GRIK4: variants seen among roughly 807,000 people sequenced by gnomAD.
GRIK4 encodes glutamate receptor ionotropic, kainate 4.
A neutral mutation model predicts 104.9 loss-of-function variants in GRIK4; 40 were observed. The observed-to-expected ratio is 0.38, with a 90% CI of 0.30 to 0.50. The LOEUF is 0.50. GRIK4 is among the 20% of genes least tolerant of loss of function. The pLI is 0.93. For synonymous variants in GRIK4, 485 were observed against 524.9 expected (o/e 0.92, Z 1.04); for missense variants, 1,047 against 1,308.1 (o/e 0.80, Z 3.08).
At chr11:120,818,399 C>T (rs531841140) in intron 5 of GRIK4, among the ~76,000 whole-genome samples, 3 of 152,260 alleles carry the variant, frequency 2.0e-5, no homozygotes, top group South Asian at 2.1e-4. Flanking sequence ...AAAATACAAG[C>T]GGGAAGAAAG....
chr11:120,731,648 C>A (rs1951133588), intron 3 of GRIK4, among the ~76,000 whole-genome samples: 1 of 152,082 alleles, frequency 6.6e-6, no homozygotes, highest in Non-Finnish European at 1.5e-5. Context: ...AGTATTAGTT[C>A]TTTAAATGTT....
intron 19 of GRIK4, among the ~76,000 whole-genome samples, chr11:120,970,433 A>G (rs756379421): frequency 7.1e-4 from 108 of 151,252 alleles, no homozygotes; most frequent in Non-Finnish European, 1.2e-3. Flanking sequence ...CTTTCCTTTC[A>G]TTTTTCAACC....
intron 20 of GRIK4, 26 bp from the exon 21 acceptor site, chr11:120,985,878 G>T (rs1295316059): frequency 6.5e-7 from 1 of 1,549,764 alleles, no homozygotes; most frequent in Admixed American, 2.0e-5. Flanking sequence ...TGAGAGGCTG[G>T]GCCCTGACCT....
intron 1 of GRIK4, among the ~76,000 whole-genome samples, chr11:120,599,457 T>C (rs1343418228): frequency 6.6e-6 from 1 of 152,176 alleles, no homozygotes; most frequent in East Asian, 1.9e-4. Flanking sequence ...CCACCTGGAC[T>C]TAACAGAGTT....
intron 3 of GRIK4, among the ~76,000 whole-genome samples, chr11:120,693,454 G>A (rs1950397817): frequency 6.6e-6 from 1 of 152,174 alleles, no homozygotes; most frequent in South Asian, 2.1e-4. Flanking sequence ...GAAGGAAACA[G>A]CTTTAAAGAG....
intron 13 of GRIK4, among the ~76,000 whole-genome samples, chr11:120,935,553 A>G (rs1255689866): frequency 6.6e-6 from 1 of 152,210 alleles, no homozygotes; most frequent in East Asian, 1.9e-4. Context: ...CTCTGTCTCA[A>G]AAAAATAAAA....
intron 1 of GRIK4, among the ~76,000 whole-genome samples, chr11:120,626,664 T>C (rs1949263501): frequency 6.6e-6 from 1 of 152,130 alleles, no homozygotes; most frequent in South Asian, 2.1e-4. Context: ...CCGGAGCTCA[T>C]TGCATCTGTT....
intron 1 of GRIK4, among the ~76,000 whole-genome samples, chr11:120,596,066 C>T (rs1441629958): frequency 6.6e-6 from 1 of 152,142 alleles, no homozygotes; most frequent in Non-Finnish European, 1.5e-5. Context: ...AGGCTGATCT[C>T]GAACTCTTGA....
intron 11 of GRIK4, among the ~76,000 whole-genome samples, chr11:120,895,589 C>T (rs918127650): frequency 8.5e-5 from 13 of 152,150 alleles, no homozygotes; most frequent in African/African-American, 2.9e-4. Context: ...AAGTGAAGGG[C>T]ACATTCGTAT....
chr11:120,766,260 A>T (rs1951837765), intron 3 of GRIK4, among the ~76,000 whole-genome samples: 1 of 152,202 alleles, frequency 6.6e-6, no homozygotes, highest in African/African-American at 2.4e-5. Flanking sequence ...TGTAAGGGGA[A>T]AACCTCCCAC....
At chr11:120,629,467 C>G (rs565094362) in intron 1 of GRIK4, among the ~76,000 whole-genome samples, 5 of 152,092 alleles carry the variant, frequency 3.3e-5, no homozygotes, top group Non-Finnish European at 7.4e-5. Flanking sequence ...TACGACTGCC[C>G]GACTTCTGCC....
chr11:120,568,370 C>T (rs949500191), intron 1 of GRIK4, among the ~76,000 whole-genome samples: 4 of 150,808 alleles, frequency 2.7e-5, no homozygotes, highest in African/African-American at 9.9e-5. Context: ...CACCTTCTTT[C>T]CAGGCATTCT....
chr11:120,566,765 G>A (rs1948330065), intron 1 of GRIK4, among the ~76,000 whole-genome samples: 1 of 148,242 alleles, frequency 6.7e-6, no homozygotes, highest in African/African-American at 2.5e-5. Context: ...GTGCAGTGGT[G>A]CGATCTTGGC....
At chr11:120,897,820 A>C (rs2134477772) in intron 11 of GRIK4, among the ~76,000 whole-genome samples, 1 of 152,134 alleles carries the variant, frequency 6.6e-6, no homozygotes, top group South Asian at 2.1e-4. Flanking sequence ...ATGAGAAAAC[A>C]TGCTCAGAGA....
chr11:120,965,231 A>T (rs1480199209), intron 18 of GRIK4, among the ~76,000 whole-genome samples: 13 of 152,228 alleles, frequency 8.5e-5, no homozygotes, highest in Admixed American at 8.5e-4. Context: ...CCAAGGAGTA[A>T]GCAGAATAAG....
chr11:120,822,578 A>G (rs1216251505), intron 6 of GRIK4, among the ~76,000 whole-genome samples: 1 of 152,250 alleles, frequency 6.6e-6, no homozygotes, highest in Non-Finnish European at 1.5e-5. Flanking sequence ...AAATAAACTT[A>G]GAAATCCAGT....
intron 1 of GRIK4, among the ~76,000 whole-genome samples, chr11:120,614,659 T>C (rs945276212): frequency 5.9e-5 from 9 of 152,230 alleles, no homozygotes; most frequent in African/African-American, 2.2e-4. Flanking sequence ...GGAGCATTTT[T>C]GCAATTTTTA....
intron 8 of GRIK4, among the ~76,000 whole-genome samples, chr11:120,840,273 C>T (rs1327100978): frequency 6.6e-6 from 1 of 152,160 alleles, no homozygotes; most frequent in African/African-American, 2.4e-5. Context: ...GAGATGAAGG[C>T]ACACAGTCAG....
intron 1 of GRIK4, among the ~76,000 whole-genome samples, chr11:120,541,956 G>GA (rs35965239): frequency 0.3 from 44,737 of 150,190 alleles, 6,815 homozygotes; most frequent in Admixed American, 0.42. Flanking sequence ...TACAGAAAGA[G>GA]AAAAAAAAAC....
Sources: gnomAD v4.1 joint callset for allele counts (sites outside exome capture counted in the v4.1 genomes callset) on GRCh38, gnomAD v4.1.1 for gene constraint, MANE v1.5 for transcripts, NCBI Gene and HGNC (gene_info 2026-07-23, HGNC 2026-07-21) for gene names.